The following ZRANB3 variants were observed in gnomAD, a reference collection of about 807,000 sequenced individuals.
ZRANB3 encodes the protein DNA annealing helicase and endonuclease ZRANB3.
In ZRANB3, 125 loss-of-function variants were observed where a neutral mutation model predicts 133.8. That is an observed-to-expected ratio of 0.93 (90% CI 0.81 to 1.08). ZRANB3 has a LOEUF of 1.08. Ranked by LOEUF, ZRANB3 falls within the 50% of genes least tolerant of loss-of-function variation. The pLI, the probability that ZRANB3 is intolerant of heterozygous loss-of-function variation, is 0.00. For missense variants in ZRANB3, 1,229 were observed against 1,275.5 expected (o/e 0.96, Z 0.56); for synonymous variants, 387 against 432.7 (o/e 0.89, Z 1.31).
intron 2 of ZRANB3, among the ~76,000 whole-genome samples, chr2:135,405,627 A>C (rs779086267): frequency 3.3e-5 from 5 of 152,220 alleles, no homozygotes; most frequent in African/African-American, 1.2e-4. Context: ...TCTCTCTCAG[A>C]CCACACTGCA....
At chr2:135,469,598 T>A (rs1182593120) in intron 2 of ZRANB3, among the ~76,000 whole-genome samples, 3 of 152,200 alleles carry the variant, frequency 2.0e-5, no homozygotes, top group African/African-American at 7.2e-5. Context: ...TGAAAGTTTG[T>A]TAGATTTCTT....
At chr2:135,526,346 T>C (rs74603256) in intron 1 of ZRANB3, among the ~76,000 whole-genome samples, 16,726 of 151,858 alleles carry the variant, frequency 0.11, 1,184 homozygotes, top group South Asian at 0.32. Flanking sequence ...GTATTTTGAG[T>C]AGAGACAGGG....
chr2:135,505,357 T>C (rs141739790), intron 1 of ZRANB3, among the ~76,000 whole-genome samples: 2,394 of 152,154 alleles, frequency 0.016, 34 homozygotes, highest in Admixed American at 0.049. Context: ...GGGTGGATCA[T>C]GAGGTCAGGA....
chr2:135,473,479 G>A (rs1427224241), intron 2 of ZRANB3, among the ~76,000 whole-genome samples: 1 of 151,302 alleles, frequency 6.6e-6, no homozygotes, highest in African/African-American at 2.4e-5. Flanking sequence ...GTACTAAGTA[G>A]CAGTATACAT....
chr2:135,365,266 C>CA (rs542250919), intron 3 of ZRANB3, among the ~76,000 whole-genome samples: 17 of 151,774 alleles, frequency 1.1e-4, no homozygotes, highest in African/African-American at 3.1e-4. Context: ...GATTCTGTCT[C>CA]AAAAAACAAA....
intron 1 of ZRANB3, chr2:135,510,948 C>A (rs936379578): frequency 3.8e-5 from 32 of 834,524 alleles, no homozygotes; most frequent in Non-Finnish European, 6.6e-5. Flanking sequence ...TCTCACCACT[C>A]TTTGGGGTTC....
rs779026812 is a variant in ZRANB3 at position 135,386,563 on chromosome 2, T to C, written c.180+4239A>G. Among the ~76,000 whole-genome samples the C allele has an allele frequency of 2.6e-5, 4 of 152,294 alleles. No homozygotes were observed. In the South Asian group the frequency reaches 8.3e-4, roughly 32 times the overall value. ...CACACATATGTTTACTGGGGCACTATTCACAATAGCAAAGACTTGGAACCA... is the reference window on the plus strand; with the variant it reads ...CACACATATGTTTACTGGGGCACTACTCACAATAGCAAAGACTTGGAACCA... On this transcript the variant is annotated intron_variant, in intron 3 of 20. Transcript: ENST00000264159.
At chr2:135,304,748 T>C (rs1049986835) in intron 8 of ZRANB3, among the ~76,000 whole-genome samples, 2 of 152,126 alleles carry the variant, frequency 1.3e-5, no homozygotes, top group Non-Finnish European at 2.9e-5. Context: ...TAATTTCTTT[T>C]TGAGTCAGCT....
intron 2 of ZRANB3, among the ~76,000 whole-genome samples, chr2:135,452,415 C>G (rs1392971318): frequency 6.6e-6 from 1 of 152,144 alleles, no homozygotes; most frequent in Non-Finnish European, 1.5e-5. Context: ...TCATGCCTTC[C>G]CAACAGTCCC....
intron 12 of ZRANB3, among the ~76,000 whole-genome samples, chr2:135,232,903 G>A (rs1425695173): frequency 6.6e-6 from 1 of 152,190 alleles, no homozygotes; most frequent in Non-Finnish European, 1.5e-5. Context: ...TCCTCCAAAG[G>A]AACGAGCTCC....
intron 2 of ZRANB3, among the ~76,000 whole-genome samples, chr2:135,408,519 T>C (rs567050541): frequency 1.3e-5 from 2 of 152,308 alleles, no homozygotes; most frequent in African/African-American, 2.4e-5. Context: ...TAAAGACACA[T>C]GCACACGTAT....
chr2:135,414,356 A>G (rs565195821), intron 2 of ZRANB3, among the ~76,000 whole-genome samples: 9 of 152,284 alleles, frequency 5.9e-5, no homozygotes, highest in Non-Finnish European at 1.2e-4. Context: ...AGAGACAAAG[A>G]AGGCCATTAC....
intron 2 of ZRANB3, among the ~76,000 whole-genome samples, chr2:135,480,028 G>A (rs955939712): frequency 2.6e-5 from 4 of 151,880 alleles, no homozygotes; most frequent in African/African-American, 7.2e-5. Flanking sequence ...CCGCCTCCTG[G>A]GTTCACGCCA....
intron 3 of ZRANB3, among the ~76,000 whole-genome samples, chr2:135,367,492 C>CTG (rs563657326): frequency 2.0e-5 from 3 of 152,008 alleles, no homozygotes; most frequent in Non-Finnish European, 2.9e-5. Context: ...TAAACAATCA[C>CTG]TGTGTGTGTG....
In ZRANB3 at chr2:135,297,072, T is replaced by C. The variant is rs112529894; in HGVS notation, c.966+16417A>G. Among the ~76,000 whole-genome samples the C allele has an allele frequency of 8.2e-3, 1,249 of 152,306 alleles. 14 individuals carry two copies. Among genetic ancestry groups the C allele is most frequent in the African/African-American group, 0.028 (1,166 of 41,582 alleles). On this transcript the variant is annotated intron_variant, in intron 8 of 20. Coordinates refer to ENST00000264159, the MANE Select transcript of ZRANB3 (RefSeq NM_032143.4). ...CTGCCCATTCTCAGATCTCAAGTTG[T>C]GTGCTGGGAGAACCACTACTCTCTT...
intron 8 of ZRANB3, among the ~76,000 whole-genome samples, chr2:135,312,732 T>C (rs753799836): frequency 3.3e-5 from 5 of 151,996 alleles, no homozygotes; most frequent in Admixed American, 1.3e-4. Context: ...AAGATGAATA[T>C]AGTTCGGGCA....
chr2:135,398,786 G>A (rs1424584574), intron 2 of ZRANB3, among the ~76,000 whole-genome samples: 1 of 152,078 alleles, frequency 6.6e-6, no homozygotes, highest in Non-Finnish European at 1.5e-5. Context: ...GCCTCCCAAA[G>A]TGCTGGGATT....
intron 2 of ZRANB3, among the ~76,000 whole-genome samples, chr2:135,400,731 G>A (rs760219791): frequency 3.9e-5 from 6 of 152,106 alleles, no homozygotes; most frequent in Admixed American, 6.5e-5. Context: ...GGCTTTACAG[G>A]TCATGCATGC....
At chr2:135,454,830 C>A (rs1035954880) in intron 2 of ZRANB3, among the ~76,000 whole-genome samples, 1 of 152,190 alleles carries the variant, frequency 6.6e-6, no homozygotes. Flanking sequence ...ACTTTATCCA[C>A]TCATTGGCTG....
Sources: gnomAD v4.1 joint callset for allele counts (sites outside exome capture counted in the v4.1 genomes callset) on GRCh38, gnomAD v4.1.1 for gene constraint, MANE v1.5 for transcripts, NCBI Gene and HGNC (gene_info 2026-07-23, HGNC 2026-07-21) for gene names.